CAMTA1: variants seen among roughly 807,000 people sequenced by gnomAD.
CAMTA1 encodes calmodulin binding transcription activator 1, also known as calmodulin-binding transcription activator 1.
In CAMTA1, 27 loss-of-function variants were observed where a neutral mutation model predicts 170.9. The ratio of observed to expected loss-of-function variants is 0.16; its 90% CI spans 0.12 to 0.22. The LOEUF (loss-of-function observed/expected upper bound fraction) is 0.22. Ranked by LOEUF, CAMTA1 falls within the 10% of genes least tolerant of loss-of-function variation. The probability of loss-of-function intolerance (pLI) is 1.00; values close to 1 mark genes in which losing one functional copy is unlikely to be tolerated. For synonymous variants in CAMTA1, 833 were observed against 891.5 expected (o/e 0.93, Z 1.17); for missense variants, 1,619 against 2,217.2 (o/e 0.73, Z 5.42).
chr1:7,232,357 A>T (rs6577424), intron 4 of CAMTA1, among the ~76,000 whole-genome samples: 1 of 152,068 alleles, frequency 6.6e-6, no homozygotes, highest in Non-Finnish European at 1.5e-5. Context: ...CTGCCTGTTC[A>T]TCCCAGTTGT....
intron 3 of CAMTA1, among the ~76,000 whole-genome samples, chr1:6,845,254 G>A (rs769870636): frequency 3.7e-4 from 56 of 152,296 alleles, no homozygotes; most frequent in Non-Finnish European, 6.0e-4. Flanking sequence ...GCTTCTGTTC[G>A]CTGACAAGGC....
intron 6 of CAMTA1, among the ~76,000 whole-genome samples, chr1:7,603,881 G>A (rs2095465878): frequency 1.3e-5 from 2 of 152,268 alleles, no homozygotes; most frequent in East Asian, 3.9e-4. Context: ...AGGCCTGGTG[G>A]TAACAAAATC....
intron 6 of CAMTA1, among the ~76,000 whole-genome samples, chr1:7,485,892 C>T (rs2093611361): frequency 6.6e-6 from 1 of 152,238 alleles, no homozygotes; most frequent in African/African-American, 2.4e-5. Flanking sequence ...ACTTTTAACA[C>T]TCCAGACCAG....
At chr1:6,839,476 A>G (rs934431877) in intron 3 of CAMTA1, among the ~76,000 whole-genome samples, 2 of 152,176 alleles carry the variant, frequency 1.3e-5, no homozygotes, top group Non-Finnish European at 2.9e-5. Flanking sequence ...AGGGCCTACT[A>G]TGTGCCAGGC....
intron 4 of CAMTA1, among the ~76,000 whole-genome samples, chr1:7,188,663 T>C (rs1030628091): frequency 4.6e-5 from 7 of 152,250 alleles, no homozygotes; most frequent in Non-Finnish European, 1.0e-4. Context: ...TTTTTAAGGC[T>C]AAATAATATT....
At chr1:6,902,066 CACACACAAAAAA>C (rs370412652) in intron 3 of CAMTA1, among the ~76,000 whole-genome samples, 32,665 of 125,136 alleles carry the variant, frequency 0.26, 4,276 homozygotes, top group South Asian at 0.36. Context: ...CACACACACA[CACACACAAAAAA>C]AAAAATAAAA....
rs1465834400 is a variant in CAMTA1 at position 7,609,852 on chromosome 1, A to G, written c.511-30548A>G. On this transcript the variant is annotated intron_variant, in intron 6 of 22. Transcript: ENST00000303635. The surrounding 1 kb of genome is among the most constrained non-coding windows in gnomAD (Gnocchi z 4.4). ...ACTGAGGTTCCTGGCATCCGGGTAG[A>G]GTCCAAACATGGAAGCTCGGATTAT... Among the ~76,000 whole-genome samples the G allele has an allele frequency of 6.6e-6, 1 of 152,200 alleles. No individual in the cohort carries two copies. Among genetic ancestry groups the G allele is most frequent in the Non-Finnish European group, 1.5e-5 (1 of 68,044 alleles).
intron 11 of CAMTA1, among the ~76,000 whole-genome samples, chr1:7,691,026 G>C (rs1576909563): frequency 2.0e-5 from 3 of 152,218 alleles, no homozygotes; most frequent in Admixed American, 2.0e-4. Flanking sequence ...AGGACCTGCA[G>C]TCAACGAGCT....
chr1:6,934,092 C>T lies in CAMTA1; in HGVS notation c.234+108882C>T, dbSNP rs1047304565. Among the ~76,000 whole-genome samples the T allele has an allele frequency of 5.9e-5, 9 of 152,220 alleles. No individual in the cohort carries two copies. The highest frequency in any genetic ancestry group is 1.5e-5 in the Non-Finnish European group (1 of 68,044). ...CTTCTGGAGCTATGCCACCTGCTGTCCTGCCACACCGGTGGGTGTAGGACC... is the reference window on the plus strand; with the variant it reads ...CTTCTGGAGCTATGCCACCTGCTGTTCTGCCACACCGGTGGGTGTAGGACC... On this transcript the variant is annotated intron_variant, in intron 3 of 22. Coordinates refer to ENST00000303635, the MANE Select transcript of CAMTA1 (RefSeq NM_015215.4). The surrounding 1 kb of genome is among the most constrained non-coding windows in gnomAD (Gnocchi z 4.5).
intron 1 of CAMTA1, among the ~76,000 whole-genome samples, chr1:6,794,210 A>G (rs1204667099): frequency 6.6e-6 from 1 of 152,214 alleles, no homozygotes; most frequent in Non-Finnish European, 1.5e-5. Flanking sequence ...TAAGAAAAAT[A>G]TTGTTTGTCT....
At chr1:7,735,444 CAAAA>C (rs1028269439) in intron 12 of CAMTA1, among the ~76,000 whole-genome samples, 2 of 58,166 alleles carry the variant, frequency 3.4e-5, no homozygotes, top group African/African-American at 6.3e-5. Context: ...GACTCTGTCT[CAAAA>C]AAAAAAAAAA....
At chr1:6,890,706 G>T (rs1292070106) in intron 3 of CAMTA1, among the ~76,000 whole-genome samples, 1 of 152,050 alleles carries the variant, frequency 6.6e-6, no homozygotes, top group Non-Finnish European at 1.5e-5. Context: ...GAGTAGCTAG[G>T]ACCACAGGTG....
intron 9 of CAMTA1, among the ~76,000 whole-genome samples, chr1:7,666,773 C>G (rs978453080): frequency 3.3e-5 from 5 of 152,232 alleles, no homozygotes; most frequent in Non-Finnish European, 5.9e-5. Flanking sequence ...ACAGACACCC[C>G]CAGCTCTCCC....
intron 3 of CAMTA1, among the ~76,000 whole-genome samples, chr1:7,012,507 C>A (rs552147738): frequency 6.6e-6 from 1 of 152,216 alleles, no homozygotes; most frequent in East Asian, 1.9e-4. Flanking sequence ...CCTCTCTAGA[C>A]CTCTCCCTCC....
chr1:6,887,845 T>C lies in CAMTA1; in HGVS notation c.234+62635T>C. Reference sequence around the variant, plus strand: ...ACTGTTCTCAAAACCCCAAATTAATTTGAACCGAATGTTACTAAAAATGAA... The same window carrying C: ...ACTGTTCTCAAAACCCCAAATTAATCTGAACCGAATGTTACTAAAAATGAA... On this transcript the variant is annotated intron_variant, in intron 3 of 22. Coordinates refer to ENST00000303635, the MANE Select transcript of CAMTA1 (RefSeq NM_015215.4). This position sits in a 1 kb window ranked among gnomAD's most constrained non-coding sequence, Gnocchi z 4.1. 1 of 1,450,682 alleles carries C rather than the reference T, an allele frequency of 6.9e-7. No individual in the cohort carries two copies. The highest frequency in any genetic ancestry group is 9.1e-7 in the Non-Finnish European group (1 of 1,104,330). The allele number at this position is 1,450,682 out of a possible 1,614,324, so 89.9% of individuals were successfully genotyped here.
At chr1:7,389,087 C>T (rs1017412060) in intron 5 of CAMTA1, among the ~76,000 whole-genome samples, 5 of 152,238 alleles carry the variant, frequency 3.3e-5, no homozygotes, top group African/African-American at 9.6e-5. Flanking sequence ...TGCCTGTCCC[C>T]GGCTGCCTGG....
intron 7 of CAMTA1, among the ~76,000 whole-genome samples, chr1:7,647,943 A>G (rs2095820965): frequency 6.6e-6 from 1 of 152,150 alleles, no homozygotes; most frequent in Non-Finnish European, 1.5e-5. Flanking sequence ...AATTAGCCAG[A>G]TGTGGTGGTG....
Position 7,463,404 on chromosome 1 carries a change from C to G in CAMTA1, c.439-4426C>G, listed in dbSNP as rs11807711. On this transcript the variant is annotated intron_variant, in intron 5 of 22. Transcript: ENST00000303635. This position sits in a 1 kb window ranked among gnomAD's most constrained non-coding sequence, Gnocchi z 4.7. ...GGAGAGACAGAGACAGATACAGAAA[C>G]GGAGAGAGAAATAAAGACAGACGGG... is the stretch of plus-strand genomic sequence containing the variant. Among the ~76,000 whole-genome samples the G allele has an allele frequency of 6.8e-6, 1 of 147,286 alleles. No homozygotes were observed. The highest frequency in any genetic ancestry group is 2.5e-5 in the African/African-American group (1 of 39,434).
intron 6 of CAMTA1, among the ~76,000 whole-genome samples, chr1:7,513,301 G>A (rs1402706466): frequency 1.3e-5 from 2 of 152,162 alleles, no homozygotes; most frequent in Non-Finnish European, 2.9e-5. Context: ...CATCGTAATG[G>A]CAGCTGGGTG....
Sources: allele counts gnomAD v4.1 joint callset (sites outside exome capture counted in the v4.1 genomes callset), GRCh38; gene constraint gnomAD v4.1.1; non-coding constraint Gnocchi (gnomAD v3.1); transcripts MANE v1.5; gene names NCBI Gene and HGNC (gene_info 2026-07-23, HGNC 2026-07-21).